KCNIP3: variants seen among roughly 807,000 people sequenced by gnomAD.
KCNIP3 encodes potassium voltage-gated channel interacting protein 3.
In KCNIP3, 28 loss-of-function variants were observed where a neutral mutation model predicts 35.0. That is an observed-to-expected ratio of 0.80 (90% CI 0.59 to 1.10). KCNIP3 has a LOEUF of 1.10. KCNIP3 is among the 50% of genes least tolerant of loss of function. The pLI is 0.00. For synonymous variants in KCNIP3, 134 were observed against 133.8 expected (o/e 1.00, Z -0.01); for missense variants, 295 against 338.4 (o/e 0.87, Z 1.01).
rs1202980379 is a variant in KCNIP3, at chr2:95,385,944, T to C, written c.*1895T>C. The C allele has an allele frequency of 6.6e-6, 1 of 152,442 alleles. No homozygotes were observed. Among genetic ancestry groups the C allele is most frequent in the Non-Finnish European group, 1.5e-5 (1 of 68,102 alleles). The allele number at this position is 152,442 out of a possible 1,614,324, so 9.4% of individuals were successfully genotyped here. On this transcript the variant is annotated 3_prime_UTR_variant, in exon 9 of 9. Transcript: ENST00000295225. ...ACCAGGAGGGGTCTGCCTCCCACGCTGGGACACAGACCGGCCGCATGTCTG... is the reference window on the plus strand; with the variant it reads ...ACCAGGAGGGGTCTGCCTCCCACGCCGGGACACAGACCGGCCGCATGTCTG...
At position 95,377,372 on chromosome 2, in the gene KCNIP3, C is replaced by G. The variant is rs577864202; in HGVS notation, c.447+2164C>G. On this transcript the variant is annotated intron_variant, in intron 5 of 8. Transcript: ENST00000295225. This position sits in a 1 kb window ranked among gnomAD's most constrained non-coding sequence, Gnocchi z 4.7. ...ACTGCTCCATGTGCCAGTGGCCAAG[C>G]GGCATCCAGGGCCGTGTGAGGGCAG... 6.6e-6 allele frequency among the ~76,000 whole-genome samples: 1 copy of G among 152,244 alleles called. No individual in the cohort carries two copies. Among genetic ancestry groups the G allele is most frequent in the Admixed American group, 6.5e-5 (1 of 15,286 alleles).
chr2:95,317,399 CGGG>C (rs1202784816), intron 2 of KCNIP3, among the ~76,000 whole-genome samples: 1 of 152,158 alleles, frequency 6.6e-6, no homozygotes, highest in Non-Finnish European at 1.5e-5. Flanking sequence ...CAGTGAGCTC[CGGG>C]GGCCTGGAGG....
At chr2:95,327,906 C>G (rs1311855571) in intron 2 of KCNIP3, among the ~76,000 whole-genome samples, 1 of 152,240 alleles carries the variant, frequency 6.6e-6, no homozygotes, top group Non-Finnish European at 1.5e-5. Flanking sequence ...AATCTCACCC[C>G]AAACACTCAC....
intron 2 of KCNIP3, among the ~76,000 whole-genome samples, chr2:95,315,480 G>T (rs568999579): frequency 6.6e-6 from 1 of 152,066 alleles, no homozygotes; most frequent in East Asian, 1.9e-4. Context: ...CCACACTCCG[G>T]GTGGTTCCTC....
chr2:95,323,620 C>T (rs1436357603), intron 2 of KCNIP3, among the ~76,000 whole-genome samples: 1 of 152,230 alleles, frequency 6.6e-6, no homozygotes, highest in East Asian at 1.9e-4. Flanking sequence ...AAGTCACTGG[C>T]TCCACCGCGT....
intron 2 of KCNIP3, among the ~76,000 whole-genome samples, chr2:95,331,688 G>A (rs550427824): frequency 1.3e-5 from 2 of 152,332 alleles, no homozygotes; most frequent in South Asian, 4.1e-4. Flanking sequence ...ATTCCAAAGA[G>A]CGCCCCACAT....
At chr2:95,324,557 A>AAATAAATAAATAAAT (rs1410182812) in intron 2 of KCNIP3, among the ~76,000 whole-genome samples, 1 of 72,700 alleles carries the variant, frequency 1.4e-5, no homozygotes, top group Non-Finnish European at 3.0e-5. Flanking sequence ...AATAAATAAA[A>AAATAAATAAATAAAT]ATAACGTGAG....
chr2:95,331,299 T>C (rs561588144), intron 2 of KCNIP3, among the ~76,000 whole-genome samples: 1 of 152,250 alleles, frequency 6.6e-6, no homozygotes, highest in South Asian at 2.1e-4. Flanking sequence ...GCCAAGGCTT[T>C]TGTCCTGAGC....
At chr2:95,327,606 G>A (rs1297587105) in intron 2 of KCNIP3, among the ~76,000 whole-genome samples, 1 of 152,176 alleles carries the variant, frequency 6.6e-6, no homozygotes, top group Admixed American at 6.5e-5. Flanking sequence ...ATCTGGAGTG[G>A]CAGGACACCT....
chr2:95,309,225 G>A (rs1367723692), intron 1 of KCNIP3, among the ~76,000 whole-genome samples: 6 of 152,142 alleles, frequency 3.9e-5, no homozygotes, highest in African/African-American at 1.4e-4. Context: ...TGTGGCCAGC[G>A]GCAGCCTGCG....
At chr2:95,381,764 C>T (rs532284733) in intron 6 of KCNIP3, 61 bp downstream of exon 6, 56 of 1,125,818 alleles carry the variant, frequency 5.0e-5, no homozygotes, top group African/African-American at 3.5e-4. Flanking sequence ...CCACCCCTCC[C>T]GCCGCTCTTC....
In KCNIP3 at chr2:95,297,494, CG is replaced by C. The variant is rs747918800; in HGVS notation, c.15+47del. 48 of 528,396 alleles carry C rather than the reference CG, an allele frequency of 9.1e-5. 1 individual carries two copies. Among genetic ancestry groups the C allele is most frequent in the Admixed American group, 7.7e-5 (2 of 26,024 alleles). 32.7% of individuals were successfully genotyped at this position (528,396 alleles called of 1,614,324 possible). A position where few individuals can be genotyped will look rare whatever the true frequency, so the allele number is the denominator to read the frequency against. ...ATGGGGTCTTGCTCTGGAGGGGGGTCGGGGGGAGGAATGGAGGCTTCTGGGG... is the reference window on the plus strand; with the variant it reads ...ATGGGGTCTTGCTCTGGAGGGGGGTCGGGGGAGGAATGGAGGCTTCTGGGG... On this transcript the variant is annotated intron_variant, in intron 1 of 8. Transcript: ENST00000295225.
At chr2:95,337,889 T>C (rs565826523) in intron 2 of KCNIP3, among the ~76,000 whole-genome samples, 65 of 152,322 alleles carry the variant, frequency 4.3e-4, no homozygotes, top group African/African-American at 1.5e-3. Context: ...GGCGGGCAGC[T>C]AGGCTGGGGG....
chr2:95,344,097 G>C (rs1027863749), intron 2 of KCNIP3, among the ~76,000 whole-genome samples: 1 of 152,006 alleles, frequency 6.6e-6, no homozygotes, highest in Non-Finnish European at 1.5e-5. Context: ...CTAACTCCCC[G>C]CCCTGAAGAG....
At chr2:95,381,738 C>T in intron 6 of KCNIP3, 35 bp downstream of exon 6, 1 of 1,405,878 alleles carries the variant, frequency 7.1e-7, no homozygotes, top group Non-Finnish European at 1.0e-6. Context: ...TTGTCCCCTC[C>T]TCCCCTCCTG....
At chr2:95,344,754 G>A (rs1679305565) in intron 2 of KCNIP3, among the ~76,000 whole-genome samples, 1 of 152,202 alleles carries the variant, frequency 6.6e-6, no homozygotes, top group Non-Finnish European at 1.5e-5. Context: ...GGCCACTGGA[G>A]CCCCTGCCAC....
intron 1 of KCNIP3, among the ~76,000 whole-genome samples, chr2:95,307,989 C>T (rs1196398750): frequency 1.3e-5 from 2 of 152,206 alleles, no homozygotes; most frequent in Non-Finnish European, 2.9e-5. Flanking sequence ...CCTGACAGGA[C>T]GTGTGTGTGC....
Position 95,382,336 on chromosome 2 carries a change from C to A in KCNIP3, c.556-41C>A. 7.0e-7 allele frequency: 1 copy of A among 1,430,484 alleles called. No homozygotes were observed. The highest frequency in any genetic ancestry group is 1.4e-5 in the African/African-American group (1 of 70,380). 88.6% of individuals were successfully genotyped at this position (1,430,484 alleles called of 1,614,324 possible). ...CGCTCCCTTTGGGCCCTCACAGCCA[C>A]CCCGGCCTTGCAGCAGGCTCATGCC... On this transcript the variant is annotated intron_variant, in intron 6 of 8. Coordinates refer to ENST00000295225, the MANE Select transcript of KCNIP3 (RefSeq NM_013434.5). The surrounding 1 kb of genome is among the most constrained non-coding windows in gnomAD (Gnocchi z 4.5).
At chr2:95,323,427 GC>G (rs1269777116) in intron 2 of KCNIP3, among the ~76,000 whole-genome samples, 2 of 152,186 alleles carry the variant, frequency 1.3e-5, no homozygotes, top group African/African-American at 4.8e-5. Context: ...GGCAGAGAGG[GC>G]AGTCAGTGCT....
Sources: allele counts gnomAD v4.1 joint callset (sites outside exome capture counted in the v4.1 genomes callset), GRCh38; gene constraint gnomAD v4.1.1; non-coding constraint Gnocchi (gnomAD v3.1); transcripts MANE v1.5; gene names NCBI Gene and HGNC (gene_info 2026-07-23, HGNC 2026-07-21).